Variants in FLNB observed in about 807,000 individuals in gnomAD.
FLNB encodes the protein filamin B, also known as filamin-B.
FLNB carries 111 observed loss-of-function variants against 250.6 expected under a neutral mutation model. The ratio of observed to expected loss-of-function variants is 0.44; its 90% CI spans 0.38 to 0.52. FLNB has a LOEUF of 0.52. Among genes scored for constraint, FLNB ranks in the 20% least tolerant of loss-of-function variants. The pLI, the probability that FLNB is intolerant of heterozygous loss-of-function variation, is 0.00. For synonymous variants in FLNB, 1,302 were observed against 1,372.1 expected (o/e 0.95, Z 1.13); for missense variants, 2,869 against 3,447.8 (o/e 0.83, Z 4.20).
At chr3:58,112,423 C>T (rs2097270435) in intron 18 of FLNB, 105 bp downstream of exon 18, 1 of 1,174,982 alleles carries the variant, frequency 8.5e-7, no homozygotes, top group Non-Finnish European at 1.3e-6. Context: ...AGGTGCTCTG[C>T]CAAAGTGCTC....
chr3:58,126,748 G>A lies in FLNB; in HGVS notation c.4208G>A (p.Gly1403Glu). ...TACGATGTTAATATCACATATGGAGGAGCCCACATCCCCGGTGAGCTATTC... is the reference window on the plus strand; with the variant it reads ...TACGATGTTAATATCACATATGGAGAAGCCCACATCCCCGGTGAGCTATTC... ...GDYDVNITYG[G>E]AHIPGSPFRV... The change falls in exon 24 of 46, where the codon GGA becomes GAA. Residue 1403 changes from glycine (G) to glutamate (E), a missense_variant. Transcript: ENST00000295956. 6.2e-7 allele frequency: 1 copy of A among 1,613,730 alleles called. No homozygotes were observed.
At chr3:58,156,804 C>G (rs907804426) in intron 41 of FLNB, among the ~76,000 whole-genome samples, 1 of 152,184 alleles carries the variant, frequency 6.6e-6, no homozygotes, top group Non-Finnish European at 1.5e-5. Context: ...TCAAGTGATT[C>G]TTCTGCCTCA....
intron 1 of FLNB, among the ~76,000 whole-genome samples, chr3:58,074,844 T>C (rs1459025093): frequency 6.6e-6 from 1 of 152,182 alleles, no homozygotes; most frequent in African/African-American, 2.4e-5. Flanking sequence ...TGAGTGAGGA[T>C]TGCTTGAGTT....
At chr3:58,151,466 G>C (rs1460458317) in intron 38 of FLNB, 5 of 151,806 alleles carry the variant, frequency 3.3e-5, no homozygotes, top group Non-Finnish European at 7.4e-5. Flanking sequence ...CCTCAAGGTG[G>C]GGGGAGGAAG....
At chr3:58,144,265 A>ATT (rs370540416) in intron 32 of FLNB, among the ~76,000 whole-genome samples, 2 of 151,822 alleles carry the variant, frequency 1.3e-5, no homozygotes, top group African/African-American at 4.8e-5. Context: ...TTTATTTTTT[A>ATT]TTTTTTTGTG....
At position 58,170,735 on chromosome 3, in the gene FLNB, C is replaced by T; in HGVS notation, c.7782C>T (p.Gly2594=). Residue 2594 remains glycine (G), a synonymous_variant, in exon 46 of 46, where the codon GGC becomes GGT. Transcript: ENST00000295956. ...AGTGGGGGGAGGAACACATCCCTGG[C>T]AGCCCTTTTCATGTCACAGTGCCTT... is the stretch of plus-strand genomic sequence containing the variant. ...AVKWGEEHIP[G]SPFHVTVP is the part of the protein sequence containing the mutation. 1 of 1,614,184 alleles carries T rather than the reference C, an allele frequency of 6.2e-7. No homozygotes were observed.
intron 1 of FLNB, among the ~76,000 whole-genome samples, chr3:58,073,640 T>C (rs954963154): frequency 6.6e-6 from 1 of 151,914 alleles, no homozygotes; most frequent in Non-Finnish European, 1.5e-5. Context: ...TGTCTCACAG[T>C]TTCTGTGGGC....
chr3:58,051,375 A>G (rs1241027462), intron 1 of FLNB, among the ~76,000 whole-genome samples: 1 of 152,170 alleles, frequency 6.6e-6, no homozygotes, highest in South Asian at 2.1e-4. Flanking sequence ...AGTGGCCCGC[A>G]TGTCTGCACT....
chr3:58,045,589 A>T (rs2097152636), intron 1 of FLNB, among the ~76,000 whole-genome samples: 1 of 152,216 alleles, frequency 6.6e-6, no homozygotes, highest in Admixed American at 6.5e-5. Flanking sequence ...CCCGATTTAA[A>T]GGAAGTAACT....
chr3:58,084,491 A>G (rs2097214147), intron 4 of FLNB, among the ~76,000 whole-genome samples: 1 of 152,106 alleles, frequency 6.6e-6, no homozygotes, highest in African/African-American at 2.4e-5. Flanking sequence ...GTGGCTGGTC[A>G]TTGCCATTTC....
chr3:58,079,231 T>G (rs564690028), intron 3 of FLNB, among the ~76,000 whole-genome samples: 1 of 151,318 alleles, frequency 6.6e-6, no homozygotes, highest in East Asian at 1.9e-4. Flanking sequence ...ATCCAATAGC[T>G]TAAGAAAAGT....
chr3:58,076,286 C>G (rs2097201541), intron 1 of FLNB, among the ~76,000 whole-genome samples: 1 of 152,092 alleles, frequency 6.6e-6, no homozygotes, highest in Non-Finnish European at 1.5e-5. Flanking sequence ...GAAAAAAATT[C>G]CTACCTATCG....
chr3:58,100,864 G>A (rs1286588512), intron 8 of FLNB, among the ~76,000 whole-genome samples: 1 of 151,892 alleles, frequency 6.6e-6, no homozygotes, highest in Non-Finnish European at 1.5e-5. Flanking sequence ...CTCCCAAAAT[G>A]CTGGGTTTAC....
Position 58,169,730 on chromosome 3 carries a change from G to T in FLNB, c.7558G>T (p.Ala2520Ser), listed in dbSNP as rs1020317703. 3.7e-6 allele frequency: 6 copies of T among 1,613,980 alleles called. No homozygotes were observed. Among genetic ancestry groups the T allele is most frequent in the Non-Finnish European group, 5.1e-6 (6 of 1,180,016 alleles). Reference protein sequence around the residue: ...SDASKVTSKGAGLSKAFVGQK... With the variant: ...SDASKVTSKGSGLSKAFVGQK... The stretch of plus-strand genomic sequence containing the variant: ...CGCCAGCAAGGTGACCTCTAAGGGG[G>T]CAGGGCTCTCAAAGGCCTTTGTGGG... The change falls in exon 45 of 46, where the codon GCA becomes TCA. Residue 2520 changes from alanine (A) to serine (S), a missense_variant. Around this residue, in one of 5 missense-constraint regions of FLNB, gnomAD observed 1,084 missense variants for 1,315.5 expected, o/e 0.82. Coordinates refer to ENST00000295956, the MANE Select transcript of FLNB (RefSeq NM_001457.4). The surrounding 1 kb of genome is among the most constrained non-coding windows in gnomAD (Gnocchi z 4.8).
rs918873893 is a variant in FLNB, at chr3:58,008,747, C to T, written c.183C>T (p.Arg61=). Residue 61 remains arginine, a synonymous_variant, in exon 1 of 46, where the codon CGC becomes CGT. Coordinates refer to ENST00000295956, the MANE Select transcript of FLNB (RefSeq NM_001457.4). ...IALLEVLSQK[R]MYRKYHQRPT... is the part of the protein sequence containing the mutation. ...TGCTCGAGGTGCTCAGCCAGAAGCG[C>T]ATGTACCGCAAGTACCATCAGCGGC... The T allele has an allele frequency of 6.2e-7, 1 of 1,614,132 alleles. No homozygotes were observed. The highest frequency in any genetic ancestry group is 8.5e-7 in the Non-Finnish European group (1 of 1,180,012).
chr3:58,082,293 A>T (rs2097210314), intron 4 of FLNB, among the ~76,000 whole-genome samples: 1 of 152,192 alleles, frequency 6.6e-6, no homozygotes, highest in Non-Finnish European at 1.5e-5. Context: ...AGTGGGTAGA[A>T]GCCATTTCAA....
At chr3:58,078,603 G>C in intron 2 of FLNB, 114 bp from the exon 3 acceptor site, 1 of 1,518,694 alleles carries the variant, frequency 6.6e-7, no homozygotes, top group Non-Finnish European at 8.9e-7. Flanking sequence ...TCAGATTTTA[G>C]GAAAAAATCA....
At chr3:58,009,961 T>C in intron 1 of FLNB, among the ~76,000 whole-genome samples, 1 of 152,164 alleles carries the variant, frequency 6.6e-6, no homozygotes, top group Non-Finnish European at 1.5e-5. Flanking sequence ...GGGGCTGTGA[T>C]GTGTGTGTGC....
chr3:58,110,662 T>G (rs9820773), intron 16 of FLNB, among the ~76,000 whole-genome samples: 54,201 of 151,924 alleles, frequency 0.36, 11,354 homozygotes, highest in East Asian at 0.91. Context: ...GCCAGGCTGG[T>G]CTCAAACTTC....
Sources: gnomAD v4.1 joint callset for allele counts (sites outside exome capture counted in the v4.1 genomes callset) on GRCh38, gnomAD v4.1.1 for gene constraint, gnomAD v4.1.1 regional missense constraint, Gnocchi (gnomAD v3.1) non-coding constraint, MANE v1.5 for transcripts, NCBI Gene and HGNC (gene_info 2026-07-23, HGNC 2026-07-21) for gene names.